Variants in ENOX2 observed in about 807,000 individuals in gnomAD.
ENOX2 encodes the protein APK1 antigen.
ENOX2 carries 36 observed loss-of-function variants against 45.0 expected under a neutral mutation model. The observed-to-expected ratio is 0.80, with a 90% CI of 0.61 to 1.06. ENOX2 has a LOEUF of 1.06. Among genes scored for constraint, ENOX2 ranks in the 50% least tolerant of loss-of-function variants. ENOX2 has a pLI of 0.00. For synonymous variants in ENOX2, 174 were observed against 152.3 expected (o/e 1.14, Z -1.05); for missense variants, 423 against 462.5 (o/e 0.91, Z 0.78).
chrX:130,795,002 C>A (rs1426400396), intron 2 of ENOX2, among the ~76,000 whole-genome samples: 1 of 111,911 alleles, frequency 8.9e-6, no homozygotes, highest in Non-Finnish European at 1.9e-5. Context: ...CTCCTGGCTC[C>A]CACCCTATTA....
At chrX:130,766,959 C>T (rs1603343658) in intron 3 of ENOX2, among the ~76,000 whole-genome samples, 1 of 111,793 alleles carries the variant, frequency 8.9e-6, no homozygotes, top group East Asian at 2.8e-4. Flanking sequence ...TGGATGTCAG[C>T]TCTAAGCCGA....
chrX:130,741,312 C>T (rs938242652), intron 3 of ENOX2, among the ~76,000 whole-genome samples: 5 of 110,955 alleles, frequency 4.5e-5, no homozygotes, highest in South Asian at 3.9e-4. Flanking sequence ...GAAGGAACCA[C>T]GGGAATCAGC....
chrX:130,895,423 G>A (rs963602439), intron 2 of ENOX2, among the ~76,000 whole-genome samples: 2 of 111,748 alleles, frequency 1.8e-5, no homozygotes, highest in Non-Finnish European at 3.8e-5. Flanking sequence ...TAAAAATGAA[G>A]AGCAGCTGGA....
intron 13 of ENOX2, among the ~76,000 whole-genome samples, chrX:130,629,967 A>G (rs2035649877): frequency 8.9e-6 from 1 of 112,317 alleles, no homozygotes; most frequent in Admixed American, 9.4e-5. Flanking sequence ...GCCAGGCACT[A>G]TGCTAAGTGA....
At chrX:130,802,610 A>G (rs73555136) in intron 2 of ENOX2, among the ~76,000 whole-genome samples, 70 of 111,836 alleles carry the variant, frequency 6.3e-4, no homozygotes, top group African/African-American at 2.0e-3. Flanking sequence ...TGACTTGTTT[A>G]AAGTTCCACA....
chrX:130,718,021 C>G (rs1479314282), intron 3 of ENOX2, among the ~76,000 whole-genome samples: 2 of 111,099 alleles, frequency 1.8e-5, no homozygotes, highest in Admixed American at 1.9e-4. Context: ...CTTTCATACT[C>G]CTGCCCCACC....
intron 2 of ENOX2, among the ~76,000 whole-genome samples, chrX:130,837,038 A>C (rs1169174209): frequency 5.3e-5 from 6 of 112,177 alleles, no homozygotes; most frequent in Admixed American, 4.7e-4. Flanking sequence ...CAGGGTTGGA[A>C]AGGGAAGAAG....
intron 2 of ENOX2, among the ~76,000 whole-genome samples, chrX:130,824,270 G>T (rs2077674688): frequency 9.0e-6 from 1 of 111,496 alleles, no homozygotes; most frequent in African/African-American, 3.3e-5. Flanking sequence ...ATAGAGTATT[G>T]CTAACTACCT....
intron 4 of ENOX2, among the ~76,000 whole-genome samples, chrX:130,700,970 T>C (rs980584520): frequency 1.8e-5 from 2 of 111,804 alleles, no homozygotes; most frequent in South Asian, 3.8e-4. Flanking sequence ...TTAGAAAACT[T>C]ACCCCAATCT....
intron 12 of ENOX2, among the ~76,000 whole-genome samples, chrX:130,634,357 G>A (rs1219424311): frequency 8.9e-6 from 1 of 111,901 alleles, no homozygotes; most frequent in Non-Finnish European, 1.9e-5. Context: ...CCTGATTCAT[G>A]GTTGTGATAC....
intron 2 of ENOX2, among the ~76,000 whole-genome samples, chrX:130,851,401 T>C (rs1603370009): frequency 9.0e-6 from 1 of 111,266 alleles, no homozygotes; most frequent in Admixed American, 9.5e-5. Context: ...TTGTATTTTT[T>C]GTAGAGATGA....
At chrX:130,694,610 T>C (rs2037703624) in intron 4 of ENOX2, among the ~76,000 whole-genome samples, 2 of 103,239 alleles carry the variant, frequency 1.9e-5, no homozygotes, top group Admixed American at 2.1e-4. Flanking sequence ...CTTTTTTTTT[T>C]TTTTTTTTTG....
intron 2 of ENOX2, among the ~76,000 whole-genome samples, chrX:130,837,735 T>C (rs187047627): frequency 1.8e-5 from 2 of 111,901 alleles, no homozygotes; most frequent in Non-Finnish European, 3.8e-5. Context: ...TTTCTTTATA[T>C]GTAAAAATGG....
At chrX:130,633,354 G>T (rs10521759) in intron 12 of ENOX2, among the ~76,000 whole-genome samples, 2 of 112,086 alleles carry the variant, frequency 1.8e-5, no homozygotes, top group African/African-American at 6.5e-5. Context: ...TAACCTAATT[G>T]TGTCAGGTTG....
Position 130,686,610 on chromosome X carries a change from G to C in ENOX2, c.253+2253C>G, listed in dbSNP as rs188914392. On this transcript the variant is annotated intron_variant, in intron 5 of 14. Transcript: ENST00000394363. ...GGTTGGTGGGCTGAGATGATAAAGGGTTCAGTCACACCAAATCCCTGTTCT... is the reference window on the plus strand; with the variant it reads ...GGTTGGTGGGCTGAGATGATAAAGGCTTCAGTCACACCAAATCCCTGTTCT... Among the ~76,000 whole-genome samples, 6 of 111,654 alleles carry C rather than the reference G, an allele frequency of 5.4e-5. No homozygotes were observed. In the East Asian group the frequency reaches 1.4e-3, roughly 26 times the overall value.
chrX:130,844,682 A>G (rs990738427), intron 2 of ENOX2, among the ~76,000 whole-genome samples: 2 of 112,230 alleles, frequency 1.8e-5, no homozygotes, highest in Non-Finnish European at 3.8e-5. Context: ...TTTTTGGAAT[A>G]AGGCTTACTA....
intron 2 of ENOX2, among the ~76,000 whole-genome samples, chrX:130,806,206 C>G (rs1411746010): frequency 1.8e-5 from 2 of 111,979 alleles, no homozygotes; most frequent in African/African-American, 6.5e-5. Context: ...GGCTGCTACA[C>G]CGGCAGCCTA....
At chrX:130,887,658 G>A (rs1333545505) in intron 2 of ENOX2, among the ~76,000 whole-genome samples, 1 of 111,710 alleles carries the variant, frequency 9.0e-6, no homozygotes, top group Non-Finnish European at 1.9e-5. Context: ...AGGGGGTGGG[G>A]TGGAGGAGGT....
intron 10 of ENOX2, among the ~76,000 whole-genome samples, chrX:130,654,689 G>A (rs1408586867): frequency 8.9e-6 from 1 of 112,121 alleles, no homozygotes; most frequent in East Asian, 2.8e-4. Context: ...TGGGAGAAAA[G>A]CTATTTGGTA....
Sources: allele counts gnomAD v4.1 joint callset (sites outside exome capture counted in the v4.1 genomes callset), GRCh38; gene constraint gnomAD v4.1.1; transcripts MANE v1.5; gene names NCBI Gene and HGNC (gene_info 2026-07-23, HGNC 2026-07-21).